The following STAM variants were observed in gnomAD, a reference collection of about 807,000 sequenced individuals.
STAM encodes the protein signal transducing adapter molecule 1.
STAM carries 16 observed loss-of-function variants against 63.4 expected under a neutral mutation model. That is an observed-to-expected ratio of 0.25 (90% CI 0.17 to 0.38). The LOEUF (loss-of-function observed/expected upper bound fraction) is 0.38. Ranked by LOEUF, STAM falls within the 10% of genes least tolerant of loss-of-function variation. The probability of loss-of-function intolerance (pLI) is 1.00; values close to 1 mark genes in which losing one functional copy is unlikely to be tolerated. For synonymous variants in STAM, 238 were observed against 223.9 expected, an observed-to-expected ratio of 1.06 and a Z score of -0.56; for missense variants, 636 against 657.1, an observed-to-expected ratio of 0.97 and a Z score of 0.35.
In STAM at chr10:17,677,089, C is replaced by T. The variant is rs151190736; in HGVS notation, c.126-7586C>T. Reference sequence around the variant, plus strand: ...TTTGCACAAACAAGGTGTTCATCAGCGCTTCATTCTTACTGGCTTTGCAGC... The same window carrying T: ...TTTGCACAAACAAGGTGTTCATCAGTGCTTCATTCTTACTGGCTTTGCAGC... On this transcript the variant is annotated intron_variant, in intron 2 of 13. Coordinates refer to ENST00000377524, the MANE Select transcript of STAM (RefSeq NM_003473.4). Among the ~76,000 whole-genome samples, 157 of 152,240 alleles carry T rather than the reference C, an allele frequency of 1.0e-3. 2 individuals carry two copies. In the East Asian group the frequency reaches 0.02, roughly 19 times the overall value.
chr10:17,654,545 A>G (rs1006019466), intron 1 of STAM, among the ~76,000 whole-genome samples: 15 of 152,136 alleles, frequency 9.9e-5, no homozygotes, highest in East Asian at 3.8e-4. Context: ...TTTAAGGTCA[A>G]TGTGTTACTA....
At chr10:17,661,407 C>T (rs1360749688) in intron 2 of STAM, among the ~76,000 whole-genome samples, 2 of 152,158 alleles carry the variant, frequency 1.3e-5, no homozygotes, top group Non-Finnish European at 2.9e-5. Flanking sequence ...TATAGATGTT[C>T]CTGAAACTTT....
At chr10:17,648,852 T>G (rs782179824) in intron 1 of STAM, among the ~76,000 whole-genome samples, 4 of 152,190 alleles carry the variant, frequency 2.6e-5, no homozygotes, top group African/African-American at 4.8e-5. Context: ...AAATGCAAGT[T>G]TTTTTATTGT....
intron 1 of STAM, among the ~76,000 whole-genome samples, chr10:17,658,490 C>T (rs1834032176): frequency 6.6e-6 from 1 of 151,968 alleles, no homozygotes; most frequent in South Asian, 2.1e-4. Context: ...CAACTATGTC[C>T]TTTCTGATTT....
At chr10:17,700,115 TC>T in intron 8 of STAM, 75 bp from the exon 9 acceptor site, 1 of 1,232,908 alleles carries the variant, frequency 8.1e-7, no homozygotes, top group Non-Finnish European at 1.1e-6. Context: ...CCCAAATCTC[TC>T]TTGGAAGTTA....
At chr10:17,672,948 C>T in intron 2 of STAM, 1 of 806,536 alleles carries the variant, frequency 1.2e-6, no homozygotes, top group Non-Finnish European at 1.5e-6. Flanking sequence ...GCCCCTGACC[C>T]CTATCTTTTT....
chr10:17,693,161 T>C, intron 5 of STAM, 61 bp from the exon 6 acceptor site: 1 of 1,460,560 alleles, frequency 6.8e-7, no homozygotes, highest in Non-Finnish European at 9.5e-7. Context: ...ATTCTTAGGG[T>C]GGGTGAGAGG....
At chr10:17,693,569 G>A (rs1039498095) in intron 6 of STAM, among the ~76,000 whole-genome samples, 2 of 152,052 alleles carry the variant, frequency 1.3e-5, no homozygotes, top group African/African-American at 4.8e-5. Context: ...TAACAAATTT[G>A]TTTTTTGTAG....
chr10:17,703,622 G>T (rs145179086), intron 9 of STAM, among the ~76,000 whole-genome samples: 80 of 152,262 alleles, frequency 5.3e-4, no homozygotes, highest in Non-Finnish European at 1.1e-3. Flanking sequence ...GTATAGATGT[G>T]TGTATGTAAT....
Position 17,644,244 on chromosome 10 carries a change from GCT to G in STAM, c.-93_-92del. ...GGACCCTGTAGAGTCGGTCTCTGTTGCTCTTTTTGCCTGAGGAGTCTTCCATC... is the reference window on the plus strand; with the variant it reads ...GGACCCTGTAGAGTCGGTCTCTGTTGCTTTTTGCCTGAGGAGTCTTCCATC... On this transcript the variant is annotated 5_prime_UTR_variant, in exon 1 of 14. Coordinates refer to ENST00000377524, the MANE Select transcript of STAM (RefSeq NM_003473.4). 1 of 1,343,046 alleles carries G rather than the reference GCT, an allele frequency of 7.4e-7. No homozygotes were observed. Among genetic ancestry groups the G allele is most frequent in the Non-Finnish European group, 1.1e-6 (1 of 940,886 alleles). 83.2% of individuals were successfully genotyped at this position (1,343,046 alleles called of 1,614,324 possible). A position where few individuals can be genotyped will look rare whatever the true frequency, so the allele number is the denominator to read the frequency against.
chr10:17,669,114 A>G (rs1033594206), intron 2 of STAM, among the ~76,000 whole-genome samples: 3 of 152,236 alleles, frequency 2.0e-5, no homozygotes, highest in Non-Finnish European at 4.4e-5. Context: ...GTTAGGCAGT[A>G]TGAAGTATGG....
At chr10:17,651,521 A>G (rs1327470543) in intron 1 of STAM, among the ~76,000 whole-genome samples, 2 of 152,184 alleles carry the variant, frequency 1.3e-5, no homozygotes, top group African/African-American at 4.8e-5. Context: ...CTGGATTAAG[A>G]ACTTGTATTC....
rs1589095412 is a variant in STAM, at chr10:17,696,931, A to G, written c.823+62A>G. On this transcript the variant is annotated intron_variant, in intron 8 of 13. Transcript: ENST00000377524. ...CTAATCCTTTTCTTAATGGAAGTTG[A>G]GTAAACTGAACTTTTTAGAGCAGTG... 4.2e-6 allele frequency: 6 copies of G among 1,414,778 alleles called. No homozygotes were observed. The East Asian group carries it at 6.9e-5, about 16-fold the overall frequency. 87.6% of individuals were successfully genotyped at this position (1,414,778 alleles called of 1,614,324 possible).
At chr10:17,685,284 A>G (rs539052533) in intron 4 of STAM, among the ~76,000 whole-genome samples, 20 of 152,326 alleles carry the variant, frequency 1.3e-4, no homozygotes, top group Admixed American at 1.2e-3. Context: ...GAAACACTGC[A>G]AAAAGTCTAT....
At chr10:17,654,001 G>T (rs1388649350) in intron 1 of STAM, among the ~76,000 whole-genome samples, 1 of 152,198 alleles carries the variant, frequency 6.6e-6, no homozygotes, top group East Asian at 1.9e-4. Context: ...TTTGTATCCA[G>T]TTGGTCAGAA....
rs138064293 is a variant in STAM at position 17,658,539 on chromosome 10, C to G, written c.41-1925C>G. Among the ~76,000 whole-genome samples the G allele has an allele frequency of 8.7e-3, 1,319 of 152,154 alleles. 21 individuals are homozygous for G. The highest frequency in any genetic ancestry group is 0.03 in the African/African-American group (1,241 of 41,528). Reference sequence around the variant, plus strand: ...CCTGTCCATTTCTTCTTTTTTTGGTCTTGCTCTGTCGCCCAGGCTGGAGTG... The same window carrying G: ...CCTGTCCATTTCTTCTTTTTTTGGTGTTGCTCTGTCGCCCAGGCTGGAGTG... On this transcript the variant is annotated intron_variant, in intron 1 of 13. Transcript: ENST00000377524.
chr10:17,679,328 A>C (rs1333363442), intron 2 of STAM, among the ~76,000 whole-genome samples: 3 of 152,142 alleles, frequency 2.0e-5, no homozygotes, highest in African/African-American at 7.2e-5. Context: ...GATGTTGAGC[A>C]TTTGTTATGT....
intron 8 of STAM, 142 bp downstream of exon 8, chr10:17,697,011 C>T (rs1418761029): frequency 1.6e-6 from 1 of 630,832 alleles, no homozygotes; most frequent in Non-Finnish European, 2.8e-6. Flanking sequence ...CCTCCGCCTC[C>T]TGGGTTCAGG....
At chr10:17,688,486 G>T (rs185113544) in intron 5 of STAM, among the ~76,000 whole-genome samples, 1 of 151,896 alleles carries the variant, frequency 6.6e-6, no homozygotes, top group Middle Eastern at 3.2e-3. Flanking sequence ...TTTTTGAGAC[G>T]GAGTCTTTGT....
Sources: allele counts gnomAD v4.1 joint callset (sites outside exome capture counted in the v4.1 genomes callset), GRCh38; gene constraint gnomAD v4.1.1; transcripts MANE v1.5; gene names NCBI Gene and HGNC (gene_info 2026-07-23, HGNC 2026-07-21).